The following NAALADL2 variants were observed in gnomAD, a reference collection of about 807,000 sequenced individuals.
NAALADL2 encodes the protein N-acetylated alpha-linked acidic dipeptidase like 2.
In NAALADL2, 76 loss-of-function variants were observed where a neutral mutation model predicts 87.2. The observed-to-expected ratio is 0.87, with a 90% CI of 0.72 to 1.05. NAALADL2 has a LOEUF of 1.05. Among genes scored for constraint, NAALADL2 ranks in the 50% least tolerant of loss-of-function variants. NAALADL2 has a pLI of 0.00. For synonymous variants in NAALADL2, 354 were observed against 331.0 expected (o/e 1.07, Z -0.75); for missense variants, 1,089 against 945.8 (o/e 1.15, Z -1.99).
chr3:175,592,132 T>G (rs1721575083), intron 10 of NAALADL2, among the ~76,000 whole-genome samples: 1 of 152,014 alleles, frequency 6.6e-6, no homozygotes. Flanking sequence ...ACCCATAGAA[T>G]TCATTTATAA....
chr3:175,217,963 G>A (rs1742806353), intron 2 of NAALADL2: 2 of 256,278 alleles, frequency 7.8e-6, no homozygotes. Flanking sequence ...AGGGCAGTGG[G>A]ACATGAATAG....
At chr3:174,929,575 C>T (rs920865356) in intron 1 of NAALADL2, among the ~76,000 whole-genome samples, 1 of 151,656 alleles carries the variant, frequency 6.6e-6, no homozygotes, top group Non-Finnish European at 1.5e-5. Context: ...TGCTATGATA[C>T]ATATTATTAT....
At chr3:174,780,036 C>T (rs553102731) in intron 3 of NAALADL2, among the ~76,000 whole-genome samples, 12 of 152,208 alleles carry the variant, frequency 7.9e-5, no homozygotes, top group South Asian at 2.1e-4. Flanking sequence ...ATGGGGATAG[C>T]ATTGAATCTA....
At chr3:174,604,767 T>C (rs1377140069) in intron 2 of NAALADL2, among the ~76,000 whole-genome samples, 1 of 151,644 alleles carries the variant, frequency 6.6e-6, no homozygotes, top group African/African-American at 2.4e-5. Flanking sequence ...CTTTTCTTTC[T>C]TTCTTTTCTT....
chr3:174,566,379 C>A (rs1287121762), intron 2 of NAALADL2, among the ~76,000 whole-genome samples: 1 of 151,746 alleles, frequency 6.6e-6, no homozygotes, highest in Admixed American at 6.6e-5. Flanking sequence ...GGGTTTGTTA[C>A]CAGTGAGGTG....
At chr3:175,047,310 C>T (rs916953234) in intron 1 of NAALADL2, among the ~76,000 whole-genome samples, 19 of 151,992 alleles carry the variant, frequency 1.3e-4, no homozygotes, top group Non-Finnish European at 1.6e-4. Context: ...ATGAACTTTG[C>T]GAAAATGACA....
chr3:174,996,084 T>C lies in NAALADL2; in HGVS notation c.44-100706T>C, dbSNP rs545136231. ...TACTGAATTTTAAGAAAGCTAGATGTTATATTATAGATTAAAGAAAGATTT... is the reference window on the plus strand; with the variant it reads ...TACTGAATTTTAAGAAAGCTAGATGCTATATTATAGATTAAAGAAAGATTT... On this transcript the variant is annotated intron_variant, in intron 1 of 13. Transcript: ENST00000454872. Among the ~76,000 whole-genome samples, 144 of 152,266 alleles carry C rather than the reference T, an allele frequency of 9.5e-4. 2 individuals carry two copies. The highest frequency in any genetic ancestry group is 3.3e-3 in the African/African-American group (139 of 41,556).
In NAALADL2 at chr3:175,585,125, C is replaced by G. The variant is rs181367740; in HGVS notation, c.1800+8938C>G. 2.2e-4 allele frequency among the ~76,000 whole-genome samples: 34 copies of G among 151,598 alleles called. 1 individual carries two copies. In the East Asian group the frequency reaches 4.4e-3, roughly 20 times the overall value. On this transcript the variant is annotated intron_variant, in intron 10 of 13. Coordinates refer to ENST00000454872, the MANE Select transcript of NAALADL2 (RefSeq NM_207015.3). ...TTGTTTGCTATCCTTATTCTATAAGCTTTTTTCTATTTTTATAAATTATTT... is the reference window on the plus strand; with the variant it reads ...TTGTTTGCTATCCTTATTCTATAAGGTTTTTTCTATTTTTATAAATTATTT...
intron 5 of NAALADL2, among the ~76,000 whole-genome samples, chr3:175,354,895 C>T (rs1341269380): frequency 6.7e-6 from 1 of 150,194 alleles, no homozygotes; most frequent in African/African-American, 2.4e-5. Flanking sequence ...CACACACACA[C>T]ACACACACAT....
chr3:175,787,685 G>T (rs965843416), intron 13 of NAALADL2, among the ~76,000 whole-genome samples: 4 of 152,114 alleles, frequency 2.6e-5, no homozygotes, highest in Non-Finnish European at 4.4e-5. Context: ...CGTCGCTCAC[G>T]CTGGGAGCTG....
At chr3:175,246,895 T>C (rs1434628179) in intron 3 of NAALADL2, among the ~76,000 whole-genome samples, 3 of 152,154 alleles carry the variant, frequency 2.0e-5, no homozygotes, top group African/African-American at 7.2e-5. Flanking sequence ...ACATTTTTAG[T>C]TCTATTGGAA....
upstream of NAALADL2, among the ~76,000 whole-genome samples, chr3:174,856,331 G>A (rs534720094): frequency 6.6e-4 from 100 of 152,198 alleles, no homozygotes; most frequent in African/African-American, 2.3e-3. Flanking sequence ...AAGTACAGTA[G>A]TCTTCCTGAA....
intron 4 of NAALADL2, among the ~76,000 whole-genome samples, chr3:175,273,591 A>G (rs2110028056): frequency 6.6e-6 from 1 of 152,224 alleles, no homozygotes; most frequent in African/African-American, 2.4e-5. Flanking sequence ...TAATTCTTCG[A>G]TTTTAAGATA....
intron 1 of NAALADL2, among the ~76,000 whole-genome samples, chr3:175,028,260 CA>C (rs1752436567): frequency 6.6e-6 from 1 of 152,046 alleles, no homozygotes; most frequent in South Asian, 2.1e-4. Flanking sequence ...ATGTACCCTA[CA>C]GCAGAAACAC....
chr3:175,373,598 CTAT>C (rs1766763382), intron 5 of NAALADL2, among the ~76,000 whole-genome samples: 1 of 152,228 alleles, frequency 6.6e-6, no homozygotes, highest in South Asian at 2.1e-4. Context: ...CAGTTTGAAG[CTAT>C]TATGAATCAA....
chr3:175,692,157 A>G (rs1737133156), intron 11 of NAALADL2, among the ~76,000 whole-genome samples: 1 of 151,818 alleles, frequency 6.6e-6, no homozygotes, highest in Non-Finnish European at 1.5e-5. Flanking sequence ...TTACATTTCT[A>G]TGATTTCTGG....
At chr3:175,495,073 C>CATATATATATATAT (rs372953738) in intron 9 of NAALADL2, among the ~76,000 whole-genome samples, 1 of 126,182 alleles carries the variant, frequency 7.9e-6, no homozygotes, top group African/African-American at 3.1e-5. Flanking sequence ...TAAGCAATCC[C>CATATATATATATAT]ATATATATAT....
chr3:174,808,470 G>T (rs549316016), intron 3 of NAALADL2, among the ~76,000 whole-genome samples: 2 of 152,164 alleles, frequency 1.3e-5, no homozygotes, highest in South Asian at 4.1e-4. Context: ...TCCTCTTTAT[G>T]AAAATATGTG....
intron 3 of NAALADL2, among the ~76,000 whole-genome samples, chr3:174,830,796 G>A (rs1348955035): frequency 6.6e-6 from 1 of 152,096 alleles, no homozygotes; most frequent in East Asian, 1.9e-4. Context: ...GCAGTAGTTT[G>A]TAGTTCTCCT....
Sources: gnomAD v4.1 joint callset for allele counts (sites outside exome capture counted in the v4.1 genomes callset) on GRCh38, gnomAD v4.1.1 for gene constraint, MANE v1.5 for transcripts, NCBI Gene and HGNC (gene_info 2026-07-23, HGNC 2026-07-21) for gene names.